PBXIP1: variants seen among roughly 807,000 people sequenced by gnomAD.
The protein encoded by PBXIP1 is PBX homeobox interacting protein 1.
PBXIP1 carries 73 observed loss-of-function variants against 73.7 expected under a neutral mutation model. The observed-to-expected ratio is 0.99, with a 90% CI of 0.82 to 1.20. The LOEUF (loss-of-function observed/expected upper bound fraction) is 1.20. Ranked by LOEUF, PBXIP1 falls within the 50% of genes most tolerant of loss-of-function variation. The pLI, the probability that PBXIP1 is intolerant of heterozygous loss-of-function variation, is 0.00. For missense variants in PBXIP1, 818 were observed against 911.4 expected (o/e 0.90, Z 1.32); for synonymous variants, 330 against 366.9 (o/e 0.90, Z 1.15).
At position 154,948,217 on chromosome 1, in the gene PBXIP1, C is replaced by T. The variant is rs1654894395; in HGVS notation, c.559G>A (p.Ala187Thr). 2 of 1,612,146 alleles carry T rather than the reference C, an allele frequency of 1.2e-6. No individual in the cohort carries two copies. The highest frequency in any genetic ancestry group is 8.5e-7 in the Non-Finnish European group (1 of 1,179,052). ...AVENQAGGEGAGGELGISLNM... is the reference protein window; with the variant it reads ...AVENQAGGEGTGGELGISLNM... ...AGGGAGATGCCCAGCTCCCCGCCTGCACCCTCACCCCCAGCCTGGTTCTCC... is the reference window on the plus strand; with the variant it reads ...AGGGAGATGCCCAGCTCCCCGCCTGTACCCTCACCCCCAGCCTGGTTCTCC... The change falls in exon 6 of 11, where the codon GCA (alanine) becomes ACA (threonine). Residue 187 changes from alanine (A) to threonine (T), a missense_variant. Physicochemically the swap from Ala to Thr is moderately conservative, Grantham distance 58. Coordinates refer to ENST00000368463, the MANE Select transcript of PBXIP1 (RefSeq NM_020524.4).
chr1:154,947,857 C>G (rs1255437329), intron 7 of PBXIP1, 125 bp downstream of exon 7: 7 of 1,356,778 alleles, frequency 5.2e-6, no homozygotes, highest in Non-Finnish European at 7.3e-6. Context: ...CAAGGGGCAC[C>G]CTGAACAGCT....
chr1:154,951,611 G>A lies in PBXIP1; in HGVS notation c.179-76C>T, dbSNP rs570733240. On this transcript the variant is annotated intron_variant, in intron 3 of 10. Coordinates refer to ENST00000368463, the MANE Select transcript of PBXIP1 (RefSeq NM_020524.4). This position sits in a 1 kb window ranked among gnomAD's most constrained non-coding sequence, Gnocchi z 4.3. Reference sequence around the variant, plus strand: ...CTTTGCAGCCCTCTGTCCATCCCACGGGCCCCTACCAGGTTGGAAGAGGCA... The same window carrying A: ...CTTTGCAGCCCTCTGTCCATCCCACAGGCCCCTACCAGGTTGGAAGAGGCA... 2.7e-5 allele frequency: 41 copies of A among 1,504,576 alleles called. No individual in the cohort carries two copies. Among genetic ancestry groups the A allele is most frequent in the South Asian group, 6.8e-5 (6 of 88,698 alleles). The allele number at this position is 1,504,576 out of a possible 1,614,324, so 93.2% of individuals were successfully genotyped here.
At chr1:154,952,169 G>A (rs1347423134) in intron 2 of PBXIP1, among the ~76,000 whole-genome samples, 1 of 152,142 alleles carries the variant, frequency 6.6e-6, no homozygotes, top group Admixed American at 6.5e-5. Flanking sequence ...GCCTCCAGAA[G>A]GTGAGCTAGA....
intron 1 of PBXIP1, among the ~76,000 whole-genome samples, chr1:154,955,793 T>C (rs1456675871): frequency 2.6e-5 from 4 of 152,028 alleles, no homozygotes; most frequent in Admixed American, 2.6e-4. Flanking sequence ...AAGGGGGAGC[T>C]CTCCCACTCA....
rs201578861 is a variant in PBXIP1 at position 154,951,290 on chromosome 1, G to T, written c.351C>A (p.Asp117Glu). 1.9e-6 allele frequency: 3 copies of T among 1,614,124 alleles called. No individual in the cohort carries two copies. In the East Asian group the frequency reaches 6.7e-5, roughly 36 times the overall value. ...GGCTCTGGCCTTCCAGGTCCTGTGTGTCTGGTCCCAGGCCTGTCACCACGG... is the reference window on the plus strand; with the variant it reads ...GGCTCTGGCCTTCCAGGTCCTGTGTTTCTGGTCCCAGGCCTGTCACCACGG... ...ETTVVTGLGP[D>E]TQDLEGQSPP... is the part of the protein sequence containing the mutation. Residue 117 changes from aspartate (D) to glutamate (E), a missense_variant, in exon 5 of 11, where the codon GAC becomes GAA. Asp to Glu is a conservative substitution (Grantham distance 45). Coordinates refer to ENST00000368463, the MANE Select transcript of PBXIP1 (RefSeq NM_020524.4). The surrounding 1 kb of genome is among the most constrained non-coding windows in gnomAD (Gnocchi z 4.3).
chr1:154,951,616 C>T lies in PBXIP1; in HGVS notation c.179-81G>A, dbSNP rs182483636. 1 of 1,493,144 alleles carries T rather than the reference C, an allele frequency of 6.7e-7. No individual in the cohort carries two copies. Among genetic ancestry groups the T allele is most frequent in the Non-Finnish European group, 9.3e-7 (1 of 1,071,890 alleles). 92.5% of individuals were successfully genotyped at this position (1,493,144 alleles called of 1,614,324 possible). The stretch of plus-strand genomic sequence containing the variant: ...CAGCCCTCTGTCCATCCCACGGGCC[C>T]CTACCAGGTTGGAAGAGGCAGGAAA... On this transcript the variant is annotated intron_variant, in intron 3 of 10. Coordinates refer to ENST00000368463, the MANE Select transcript of PBXIP1 (RefSeq NM_020524.4). The surrounding 1 kb of genome is among the most constrained non-coding windows in gnomAD (Gnocchi z 4.3).
At chr1:154,945,206 G>T in intron 10 of PBXIP1, 89 bp from the exon 11 acceptor site, 1 of 952,048 alleles carries the variant, frequency 1.1e-6, no homozygotes, top group Non-Finnish European at 1.6e-6. Flanking sequence ...TCCCAATGAA[G>T]CTGACTTGAG....
chr1:154,944,670 G>T lies in PBXIP1; in HGVS notation c.*354C>A. 1 of 200,148 alleles carries T rather than the reference G, an allele frequency of 5.0e-6. No homozygotes were observed. The highest frequency in any genetic ancestry group is 1.0e-5 in the Non-Finnish European group (1 of 97,072). The allele number at this position is 200,148 out of a possible 1,614,324, so 12.4% of individuals were successfully genotyped here. Reference sequence around the variant, plus strand: ...CATGTGGGTCAAGGGGCCCACTATGGGGACATACACTCAAGAGGATGAAAG... The same window carrying T: ...CATGTGGGTCAAGGGGCCCACTATGTGGACATACACTCAAGAGGATGAAAG... On this transcript the variant is annotated 3_prime_UTR_variant, in exon 11 of 11. Coordinates refer to ENST00000368463, the MANE Select transcript of PBXIP1 (RefSeq NM_020524.4).
chr1:154,951,649 G>T lies in PBXIP1; in HGVS notation c.179-114C>A. ...GTTGGAAGAGGCAGGAAAAAGCCAGGATGGAATGAGAAAAGGAGTTTGTCA... is the reference window on the plus strand; with the variant it reads ...GTTGGAAGAGGCAGGAAAAAGCCAGTATGGAATGAGAAAAGGAGTTTGTCA... On this transcript the variant is annotated intron_variant, in intron 3 of 10. Transcript: ENST00000368463. The surrounding 1 kb of genome is among the most constrained non-coding windows in gnomAD (Gnocchi z 4.3). The T allele has an allele frequency of 7.1e-7, 1 of 1,410,602 alleles. No homozygotes were observed. Among genetic ancestry groups the T allele is most frequent in the Non-Finnish European group, 1.0e-6 (1 of 1,002,076 alleles). 87.4% of individuals were successfully genotyped at this position (1,410,602 alleles called of 1,614,324 possible). A position where few individuals can be genotyped will look rare whatever the true frequency, so the allele number is the denominator to read the frequency against.
At chr1:154,949,822 G>A (rs1296062747) in intron 5 of PBXIP1, among the ~76,000 whole-genome samples, 1 of 151,798 alleles carries the variant, frequency 6.6e-6, no homozygotes, top group Non-Finnish European at 1.5e-5. Context: ...TGGGAGAGGG[G>A]AGGGTCAGGA....
At chr1:154,950,697 C>T (rs1349293628) in intron 5 of PBXIP1, among the ~76,000 whole-genome samples, 3 of 152,250 alleles carry the variant, frequency 2.0e-5, no homozygotes, top group Non-Finnish European at 4.4e-5. Flanking sequence ...CCCTGCCCTA[C>T]GTACCAAAAG....
chr1:154,946,294 C>A lies in PBXIP1; in HGVS notation c.1380G>T (p.Trp460Cys), dbSNP rs752416542. The change falls in exon 10 of 11, where the codon TGG becomes TGT. Residue 460 changes from tryptophan (W) to cysteine (C), a missense_variant. Transcript: ENST00000368463. ...AATTCTGGAAGTGGGACTTCTGGTG[C>A]CAGGCCTTTGAGGCATTGGCAGAGA... ...PGVSANASKA[W>C]HQKSHFQNSR... is the part of the protein sequence containing the mutation. 6.2e-7 allele frequency: 1 copy of A among 1,614,214 alleles called. No individual in the cohort carries two copies. Among genetic ancestry groups the A allele is most frequent in the African/African-American group, 1.3e-5 (1 of 75,050 alleles).
At chr1:154,952,170 G>A (rs1376572530) in intron 2 of PBXIP1, among the ~76,000 whole-genome samples, 4 of 152,160 alleles carry the variant, frequency 2.6e-5, no homozygotes, top group Middle Eastern at 3.2e-3. Context: ...CCTCCAGAAG[G>A]TGAGCTAGAG....
intron 1 of PBXIP1, chr1:154,955,121 G>A: frequency 5.3e-6 from 1 of 188,306 alleles, no homozygotes; most frequent in Non-Finnish European, 9.9e-6. Flanking sequence ...ACGGAGACAG[G>A]AGAATGGCTG....
chr1:154,945,245 A>C, intron 10 of PBXIP1, 128 bp from the exon 11 acceptor site: 1 of 682,478 alleles, frequency 1.5e-6, no homozygotes, highest in Non-Finnish European at 2.5e-6. Flanking sequence ...TGTGGGAAAA[A>C]CCTGGTCTCC....
rs2101983881 is a variant in PBXIP1, at chr1:154,946,986, G to A, written c.871-183C>T. On this transcript the variant is annotated intron_variant, in intron 9 of 10. Transcript: ENST00000368463. ...CATCTCCATCATGAATGAGACACAG[G>A]GATCCCCAAATTCCATCCTGAGCCT... 8.8e-6 allele frequency: 5 copies of A among 570,144 alleles called. No individual in the cohort carries two copies. The South Asian group carries it at 1.4e-4, about 16-fold the overall frequency. The allele number at this position is 570,144 out of a possible 1,614,324, so 35.3% of individuals were successfully genotyped here.
intron 5 of PBXIP1, among the ~76,000 whole-genome samples, chr1:154,950,782 C>T (rs1473061482): frequency 6.6e-6 from 1 of 152,234 alleles, no homozygotes; most frequent in East Asian, 1.9e-4. Context: ...TCAACCAGTC[C>T]CCTGACTGAA....
In PBXIP1 at chr1:154,951,884, A is replaced by C; in HGVS notation, c.89T>G (p.Met30Arg). The C allele has an allele frequency of 6.2e-7, 1 of 1,612,994 alleles. No individual in the cohort carries two copies. The highest frequency in any genetic ancestry group is 8.5e-7 in the Non-Finnish European group (1 of 1,179,716). The change falls in exon 3 of 11, where the codon ATG becomes AGG. Residue 30 changes from methionine (M) to arginine (R), a missense_variant. By Grantham distance (91) the Met-to-Arg change is moderately conservative. Coordinates refer to ENST00000368463, the MANE Select transcript of PBXIP1 (RefSeq NM_020524.4). This position sits in a 1 kb window ranked among gnomAD's most constrained non-coding sequence, Gnocchi z 4.3. ...CAGGGCTCTCTCAGATTCTGGGTCCATCCTGGATGCCGGGCCCAGTGTCTC... is the reference window on the plus strand; with the variant it reads ...CAGGGCTCTCTCAGATTCTGGGTCCCTCCTGGATGCCGGGCCCAGTGTCTC... ...PVETLGPASR[M>R]DPESERALQA...
intron 5 of PBXIP1, among the ~76,000 whole-genome samples, chr1:154,949,505 C>T (rs1654941120): frequency 6.6e-6 from 1 of 152,110 alleles, no homozygotes; most frequent in South Asian, 2.1e-4. Flanking sequence ...CCCCAAATTC[C>T]ATCCTGAGCC....
Sources: gnomAD v4.1 joint callset for allele counts (sites outside exome capture counted in the v4.1 genomes callset) on GRCh38, gnomAD v4.1.1 for gene constraint, Gnocchi (gnomAD v3.1) non-coding constraint, MANE v1.5 for transcripts, NCBI Gene and HGNC (gene_info 2026-07-23, HGNC 2026-07-21) for gene names.